STARD10: variants seen among roughly 807,000 people sequenced by gnomAD.
STARD10 encodes StAR related lipid transfer domain containing 10.
A neutral mutation model predicts 36.0 loss-of-function variants in STARD10; 24 were observed. That is an observed-to-expected ratio of 0.67 (90% CI 0.48 to 0.94). The LOEUF (loss-of-function observed/expected upper bound fraction) is 0.94, where lower values mean the gene tolerates loss of function less well. Among genes scored for constraint, STARD10 ranks in the 40% least tolerant of loss-of-function variants. The pLI is 0.00. For missense variants in STARD10, 335 were observed against 396.6 expected (o/e 0.84, Z 1.32); for synonymous variants, 156 against 161.9 (o/e 0.96, Z 0.28).
In STARD10 at chr11:72,793,958, G is replaced by C. The variant is rs1441429624; in HGVS notation, c.-1197C>G. 2.0e-5 allele frequency: 3 copies of C among 152,206 alleles called. No homozygotes were observed. The highest frequency in any genetic ancestry group is 4.4e-5 in the Non-Finnish European group (3 of 68,050). 9.4% of individuals were successfully genotyped at this position (152,206 alleles called of 1,614,324 possible). On this transcript the variant is annotated 5_prime_UTR_variant, in exon 1 of 7. Coordinates refer to ENST00000334805, the MANE Select transcript of STARD10 (RefSeq NM_006645.3). Reference sequence around the variant, plus strand: ...AGGCAGGAGAAAATACGGCGCGCTCGGCATCGTCCTTCTGACCGGGGACTC... The same window carrying C: ...AGGCAGGAGAAAATACGGCGCGCTCCGCATCGTCCTTCTGACCGGGGACTC...
chr11:72,786,959 T>C (rs1173312166), intron 1 of STARD10, among the ~76,000 whole-genome samples: 1 of 151,734 alleles, frequency 6.6e-6, no homozygotes, highest in African/African-American at 2.4e-5. Flanking sequence ...CACATGCTGG[T>C]AGTCCCAGCT....
At chr11:72,774,964 C>T (rs1365401106) in intron 2 of STARD10, among the ~76,000 whole-genome samples, 1 of 152,198 alleles carries the variant, frequency 6.6e-6, no homozygotes, top group East Asian at 1.9e-4. Flanking sequence ...AGTTTAAAAG[C>T]GGGAGCCTGG....
chr11:72,789,879 C>T (rs72964900), intron 1 of STARD10, among the ~76,000 whole-genome samples: 14,802 of 152,246 alleles, frequency 0.097, 860 homozygotes, highest in South Asian at 0.21. Flanking sequence ...GGTATCTCCA[C>T]AGGCTTCCCG....
intron 5 of STARD10, among the ~76,000 whole-genome samples, chr11:72,756,883 C>T (rs528669721): frequency 2.6e-5 from 4 of 152,076 alleles, no homozygotes; most frequent in Non-Finnish European, 4.4e-5. Context: ...CGGTGGCTCA[C>T]GCCTGTAATC....
At chr11:72,770,498 G>A (rs775198907) in intron 2 of STARD10, among the ~76,000 whole-genome samples, 21 of 152,190 alleles carry the variant, frequency 1.4e-4, no homozygotes, top group South Asian at 4.1e-4. Flanking sequence ...GATTACAGGC[G>A]TGAGCCACCA....
intron 1 of STARD10, among the ~76,000 whole-genome samples, chr11:72,788,110 G>A (rs1859096873): frequency 6.6e-6 from 1 of 152,144 alleles, no homozygotes; most frequent in Non-Finnish European, 1.5e-5. Context: ...GGGGATCCTG[G>A]ACCTACCCAG....
chr11:72,761,926 T>TTTTTTTTTTTTTTTTTG (rs1858723641), intron 2 of STARD10, among the ~76,000 whole-genome samples: 1 of 132,822 alleles, frequency 7.5e-6, no homozygotes, highest in Non-Finnish European at 1.6e-5. Flanking sequence ...TCTTTTTTTT[T>TTTTTTTTTTTTTTTTTG]TTTTTTTTTT....
intron 2 of STARD10, among the ~76,000 whole-genome samples, chr11:72,768,264 G>A (rs576375803): frequency 8.5e-5 from 13 of 152,156 alleles, no homozygotes; most frequent in African/African-American, 2.9e-4. Flanking sequence ...TGCTCTTTCT[G>A]CTCCTGCTTC....
chr11:72,761,925 T>C (rs1312881482), intron 2 of STARD10, among the ~76,000 whole-genome samples: 1 of 132,162 alleles, frequency 7.6e-6, no homozygotes, highest in African/African-American at 2.8e-5. Flanking sequence ...TTCTTTTTTT[T>C]TTTTTTTTTT....
intron 2 of STARD10, among the ~76,000 whole-genome samples, chr11:72,767,348 C>T (rs551644175): frequency 3.3e-5 from 5 of 152,200 alleles, no homozygotes; most frequent in Non-Finnish European, 7.4e-5. Context: ...GCATCCTTTG[C>T]AGATATTGCC....
chr11:72,775,734 C>T (rs1314038311), intron 2 of STARD10, among the ~76,000 whole-genome samples: 1 of 152,006 alleles, frequency 6.6e-6, no homozygotes. Flanking sequence ...ATTGCCCTCT[C>T]CATCCCCCAC....
intron 2 of STARD10, chr11:72,780,291 G>C: frequency 2.6e-6 from 1 of 390,822 alleles, no homozygotes; most frequent in Non-Finnish European, 5.3e-6. Flanking sequence ...AGATGGCTGT[G>C]AGCGACTGAT....
intron 2 of STARD10, among the ~76,000 whole-genome samples, chr11:72,779,620 T>G: frequency 6.6e-6 from 1 of 151,164 alleles, no homozygotes; most frequent in South Asian, 2.1e-4. Context: ...GACCTGTCCC[T>G]GCTCTCAGGG....
intron 1 of STARD10, among the ~76,000 whole-genome samples, chr11:72,789,418 A>C (rs1182264834): frequency 2.0e-5 from 3 of 152,232 alleles, no homozygotes; most frequent in African/African-American, 7.2e-5. Context: ...TAGAGCCTGG[A>C]GGGTTGAGAG....
intron 2 of STARD10, among the ~76,000 whole-genome samples, chr11:72,778,279 A>ACAT: frequency 6.6e-6 from 1 of 152,228 alleles, no homozygotes; most frequent in East Asian, 1.9e-4. Context: ...TAGGCAAATA[A>ACAT]CATTACCTCA....
At chr11:72,775,541 C>T (rs1295696657) in intron 2 of STARD10, among the ~76,000 whole-genome samples, 6 of 152,128 alleles carry the variant, frequency 3.9e-5, no homozygotes, top group Admixed American at 1.3e-4. Flanking sequence ...GCTCCCGACA[C>T]GATCAAACTT....
At chr11:72,763,133 C>G (rs1477482608) in intron 2 of STARD10, among the ~76,000 whole-genome samples, 1 of 148,334 alleles carries the variant, frequency 6.7e-6, no homozygotes, top group African/African-American at 2.4e-5. Context: ...CTGGGAAATC[C>G]CCCAGTCCCA....
intron 2 of STARD10, among the ~76,000 whole-genome samples, chr11:72,776,570 T>A (rs1858933018): frequency 6.6e-6 from 1 of 152,130 alleles, no homozygotes; most frequent in Non-Finnish European, 1.5e-5. Context: ...GATCTCAGCC[T>A]TGGCGAGTCA....
rs200600557 is a variant in STARD10 at position 72,757,838 on chromosome 11, G to A, written c.506C>T (p.Thr169Met). ...CCCTGTGCTCTGGATGAGGTAGCCC[G>A]TCTGGATGGACACAGCTCGGACCAA... ...KDLVRAVSIQ[T>M]GYLIQSTGPK... The change falls in exon 5 of 7, where the codon ACG (threonine) becomes ATG (methionine). Residue 169 changes from threonine (T) to methionine (M), a missense_variant. Physicochemically the swap from Thr to Met is moderately conservative, Grantham distance 81. Coordinates refer to ENST00000334805, the MANE Select transcript of STARD10 (RefSeq NM_006645.3). The A allele has an allele frequency of 1.6e-5, 26 of 1,614,226 alleles. No individual in the cohort carries two copies. Among genetic ancestry groups the A allele is most frequent in the African/African-American group, 4.0e-5 (3 of 75,054 alleles).
Sources: allele counts gnomAD v4.1 joint callset (sites outside exome capture counted in the v4.1 genomes callset), GRCh38; gene constraint gnomAD v4.1.1; transcripts MANE v1.5; gene names NCBI Gene and HGNC (gene_info 2026-07-23, HGNC 2026-07-21).